CTTNBP2: variants seen among roughly 807,000 people sequenced by gnomAD.
The protein encoded by CTTNBP2 is cortactin-binding protein 2.
A neutral mutation model predicts 156.9 loss-of-function variants in CTTNBP2; 108 were observed. The ratio of observed to expected loss-of-function variants is 0.69; its 90% CI spans 0.59 to 0.81. The LOEUF is 0.81. Ranked by LOEUF, CTTNBP2 falls within the 30% of genes least tolerant of loss-of-function variation. The probability of loss-of-function intolerance (pLI) is 0.00; values close to 1 mark genes in which losing one functional copy is unlikely to be tolerated. For missense variants in CTTNBP2, 1,924 were observed against 2,035.4 expected, an observed-to-expected ratio of 0.95 and a Z score of 1.05; for synonymous variants, 767 against 751.8, an observed-to-expected ratio of 1.02 and a Z score of -0.33.
chr7:117,756,373 T>C (rs998240382), intron 12 of CTTNBP2, among the ~76,000 whole-genome samples, 182 bp downstream of exon 12: 1 of 151,280 alleles, frequency 6.6e-6, no homozygotes, highest in Non-Finnish European at 1.5e-5. Flanking sequence ...TGGATGACAG[T>C]GACAGAAATC....
At chr7:117,718,290 A>G (rs1244949485) in intron 21 of CTTNBP2, among the ~76,000 whole-genome samples, 171 bp from the exon 22 acceptor site, 4 of 152,186 alleles carry the variant, frequency 2.6e-5, no homozygotes, top group African/African-American at 7.2e-5. Flanking sequence ...TTAATGTAAA[A>G]CTGACAGCAA....
At chr7:117,817,153 T>C (rs1412344292) in intron 2 of CTTNBP2, among the ~76,000 whole-genome samples, 1 of 150,102 alleles carries the variant, frequency 6.7e-6, no homozygotes, top group African/African-American at 2.5e-5. Flanking sequence ...CTGGCTAACA[T>C]GGTGAAACCC....
chr7:117,815,330 G>A (rs1049927044), intron 2 of CTTNBP2, among the ~76,000 whole-genome samples: 13 of 151,996 alleles, frequency 8.6e-5, no homozygotes, highest in African/African-American at 3.1e-4. Flanking sequence ...TGAATGCAGT[G>A]CACTCACAAC....
chr7:117,743,088 G>T (rs1796104988), intron 14 of CTTNBP2, among the ~76,000 whole-genome samples: 1 of 152,174 alleles, frequency 6.6e-6, no homozygotes, highest in African/African-American at 2.4e-5. Context: ...CTCCAAACTG[G>T]GAAATTAGGA....
chr7:117,784,190 C>A (rs1798574929), intron 5 of CTTNBP2, 61 bp downstream of exon 5: 1 of 1,288,968 alleles, frequency 7.8e-7, no homozygotes, highest in East Asian at 2.4e-5. Context: ...ACAATTGATA[C>A]ATGGGCTTTT....
chr7:117,813,623 T>A (rs1800410992), intron 2 of CTTNBP2, among the ~76,000 whole-genome samples: 1 of 152,146 alleles, frequency 6.6e-6, no homozygotes, highest in South Asian at 2.1e-4. Flanking sequence ...TGGGAGTCTC[T>A]ACAATAAGAT....
chr7:117,873,227 G>A, intron 1 of CTTNBP2, 108 bp downstream of exon 1: 1 of 848,208 alleles, frequency 1.2e-6, no homozygotes, highest in South Asian at 3.5e-5. Context: ...GAGAGTCCCG[G>A]GCTTACGGAA....
In CTTNBP2 at chr7:117,777,720, C is replaced by T; in HGVS notation, c.2569G>A (p.Asp857Asn). Residue 857 changes from aspartate to asparagine, a missense_variant, in exon 8 of 23, where the codon GAC becomes AAC. Coordinates refer to ENST00000160373, the MANE Select transcript of CTTNBP2 (RefSeq NM_033427.3). ...TGGTACATAAGAAGCTTGAGGCTGT[C>T]CACATTACCAGTGTCCACAGCTGCG... ...VHAAVDTGNV[D>N]SLKLLMYHRI... The T allele has an allele frequency of 5.0e-6, 8 of 1,614,004 alleles. No homozygotes were observed. Among genetic ancestry groups the T allele is most frequent in the Non-Finnish European group, 6.8e-6 (8 of 1,179,904 alleles).
At chr7:117,802,452 A>AAAC (rs1554432256) in intron 3 of CTTNBP2, among the ~76,000 whole-genome samples, 62 of 136,452 alleles carry the variant, frequency 4.5e-4, no homozygotes, top group African/African-American at 1.7e-3. Flanking sequence ...AAAAAAAAAA[A>AAAC]AAAAACAAAA....
At chr7:117,716,881 G>A (rs374238805) in intron 22 of CTTNBP2, among the ~76,000 whole-genome samples, 173 of 152,286 alleles carry the variant, frequency 1.1e-3, no homozygotes, top group African/African-American at 3.8e-3. Flanking sequence ...GCCCAGTGCC[G>A]CTAGGTGATC....
chr7:117,768,498 G>A (rs925915029), intron 8 of CTTNBP2, among the ~76,000 whole-genome samples: 9 of 147,606 alleles, frequency 6.1e-5, no homozygotes, highest in African/African-American at 2.3e-4. Context: ...CCTAGGAGGC[G>A]GAGGTTGCAG....
chr7:117,724,058 T>C (rs1413840653), intron 19 of CTTNBP2, among the ~76,000 whole-genome samples: 1 of 152,082 alleles, frequency 6.6e-6, no homozygotes, highest in Non-Finnish European at 1.5e-5. Context: ...ACCACTCTAT[T>C]TCCAGTGCCT....
rs371943659 is a variant in CTTNBP2 at position 117,718,240 on chromosome 7, C to G, written c.4645-121G>C. On this transcript the variant is annotated intron_variant, in intron 21 of 22. Coordinates refer to ENST00000160373, the MANE Select transcript of CTTNBP2 (RefSeq NM_033427.3). Reference sequence around the variant, plus strand: ...TACTCTTATCCTCTTCCCTGCCCCTCAAGTCCTGAACTGTTCACATGAAAG... The same window carrying G: ...TACTCTTATCCTCTTCCCTGCCCCTGAAGTCCTGAACTGTTCACATGAAAG... The G allele has an allele frequency of 1.9e-5, 12 of 631,800 alleles. No individual in the cohort carries two copies. In the East Asian group the frequency reaches 2.0e-4, roughly 10 times the overall value. The allele number at this position is 631,800 out of a possible 1,614,324, so 39.1% of individuals were successfully genotyped here. A position where few individuals can be genotyped will look rare whatever the true frequency, so the allele number is the denominator to read the frequency against.
intron 3 of CTTNBP2, among the ~76,000 whole-genome samples, chr7:117,802,409 G>A (rs1584450986): frequency 2.1e-5 from 2 of 94,874 alleles, no homozygotes; most frequent in Admixed American, 1.4e-4. Flanking sequence ...GAAAATCTAG[G>A]AAATACCATT....
intron 8 of CTTNBP2, among the ~76,000 whole-genome samples, chr7:117,775,751 G>A (rs556415465): frequency 1.3e-5 from 2 of 152,004 alleles, no homozygotes; most frequent in African/African-American, 2.4e-5. Flanking sequence ...GATTAACTGT[G>A]CATATTCAAG....
chr7:117,711,793 C>T lies in CTTNBP2; in HGVS notation c.4747-11G>A. On this transcript the variant is annotated splice_polypyrimidine_tract_variant and intron_variant, in intron 22 of 22. Transcript: ENST00000160373. ...GAGAGGACTGACCTCCTGTAAGAGA[C>T]AAGAAACCACACAAGTTTATCACAA... 6.2e-7 allele frequency: 1 copy of T among 1,600,398 alleles called. No homozygotes were observed. Among genetic ancestry groups the T allele is most frequent in the Non-Finnish European group, 8.5e-7 (1 of 1,172,200 alleles).
Position 117,717,424 on chromosome 7 carries a change from A to AC in CTTNBP2, c.4746+593dup, listed in dbSNP as rs1794477448. Reference sequence around the variant, plus strand: ...TAAAATGCAGGAAACCTTAGGAACAACCAAGATGACAGTTTTGTTACCTTA... The same window carrying AC: ...TAAAATGCAGGAAACCTTAGGAACAACCCAAGATGACAGTTTTGTTACCTTA... On this transcript the variant is annotated intron_variant, in intron 22 of 22. Transcript: ENST00000160373. 2.0e-5 allele frequency among the ~76,000 whole-genome samples: 3 copies of AC among 151,782 alleles called. No individual in the cohort carries two copies. The South Asian group carries it at 6.3e-4, about 32-fold the overall frequency.
chr7:117,802,612 A>G (rs1799696038), intron 3 of CTTNBP2, among the ~76,000 whole-genome samples: 1 of 152,100 alleles, frequency 6.6e-6, no homozygotes, highest in Non-Finnish European at 1.5e-5. Flanking sequence ...TCTAAAAGAT[A>G]AGAGAAAATA....
intron 2 of CTTNBP2, among the ~76,000 whole-genome samples, chr7:117,839,523 T>TA (rs534354575): frequency 9.1e-4 from 138 of 152,348 alleles, no homozygotes; most frequent in South Asian, 4.1e-4. Flanking sequence ...GACAAATTGT[T>TA]AGATTTAATA....
Sources: allele counts gnomAD v4.1 joint callset (sites outside exome capture counted in the v4.1 genomes callset), GRCh38; gene constraint gnomAD v4.1.1; transcripts MANE v1.5; gene names NCBI Gene and HGNC (gene_info 2026-07-23, HGNC 2026-07-21).